The following CA12 variants were observed in gnomAD, a reference collection of about 807,000 sequenced individuals.
The protein encoded by CA12 is carbonate dehydratase XII.
A neutral mutation model predicts 46.8 loss-of-function variants in CA12; 36 were observed. The observed-to-expected ratio is 0.77, with a 90% CI of 0.59 to 1.02. The LOEUF (loss-of-function observed/expected upper bound fraction) is 1.02. CA12 is among the 50% of genes least tolerant of loss of function. The pLI is 0.00. For synonymous variants in CA12, 202 were observed against 187.0 expected, an observed-to-expected ratio of 1.08 and a Z score of -0.65; for missense variants, 436 against 451.4, an observed-to-expected ratio of 0.97 and a Z score of 0.31.
chr15:63,356,874 C>T (rs1435259448), intron 2 of CA12, among the ~76,000 whole-genome samples: 1 of 152,144 alleles, frequency 6.6e-6, no homozygotes, highest in Non-Finnish European at 1.5e-5. Flanking sequence ...CAAAGAGATA[C>T]CTGTACACCT....
intron 8 of CA12, among the ~76,000 whole-genome samples, chr15:63,334,242 CTTTTT>C (rs71131163): frequency 6.2e-4 from 40 of 64,956 alleles, no homozygotes; most frequent in African/African-American, 2.7e-3. Flanking sequence ...GGAAGAGGCA[CTTTTT>C]TTTTTTTTTT....
rs1326288092 is a variant in CA12 at position 63,355,750 on chromosome 15, C to G, written c.107-9041G>C. 6.6e-6 allele frequency among the ~76,000 whole-genome samples: 1 copy of G among 152,218 alleles called. No homozygotes were observed. Among genetic ancestry groups the G allele is most frequent in the Non-Finnish European group, 1.5e-5 (1 of 68,032 alleles). On this transcript the variant is annotated intron_variant, in intron 2 of 10. Coordinates refer to ENST00000178638, the MANE Select transcript of CA12 (RefSeq NM_001218.5). This position sits in a 1 kb window ranked among gnomAD's most constrained non-coding sequence, Gnocchi z 4.1. ...TGAAAACTAGCCAGGCCTGAGCCCC[C>G]CATCAGTGCTCACCACATGTTATCC...
chr15:63,343,986 A>G (rs2039114425), intron 4 of CA12, among the ~76,000 whole-genome samples: 1 of 152,200 alleles, frequency 6.6e-6, no homozygotes, highest in African/African-American at 2.4e-5. Context: ...ACCCTAAAAC[A>G]GTTCTGTTGA....
Position 63,341,925 on chromosome 15 carries a change from T to C in CA12, c.525+77A>G, listed in dbSNP as rs2039083730. ...AGGAACAGCTGATTATCAACAGGTATGCATGGAACAAAAGGTGGAATCCCA... is the reference window on the plus strand; with the variant it reads ...AGGAACAGCTGATTATCAACAGGTACGCATGGAACAAAAGGTGGAATCCCA... On this transcript the variant is annotated intron_variant, in intron 5 of 10. Transcript: ENST00000178638. This position sits in a 1 kb window ranked among gnomAD's most constrained non-coding sequence, Gnocchi z 5.2. 3 of 961,158 alleles carry C rather than the reference T, an allele frequency of 3.1e-6. No individual in the cohort carries two copies. The Admixed American group carries it at 5.5e-5, about 18-fold the overall frequency. The allele number at this position is 961,158 out of a possible 1,614,324, so 59.5% of individuals were successfully genotyped here. A position where few individuals can be genotyped will look rare whatever the true frequency, so the allele number is the denominator to read the frequency against.
At position 63,345,384 on chromosome 15, in the gene CA12, A is replaced by T; in HGVS notation, c.429+93T>A. ...AGAGAGCCTGAAGGCAGCCTGTCCC[A>T]TGCTCTGGTGTTATCTGCACAGCAG... On this transcript the variant is annotated intron_variant, in intron 4 of 10. Transcript: ENST00000178638. This position sits in a 1 kb window ranked among gnomAD's most constrained non-coding sequence, Gnocchi z 4.3. The T allele has an allele frequency of 6.5e-7, 1 of 1,527,590 alleles. No individual in the cohort carries two copies. The highest frequency in any genetic ancestry group is 8.9e-7 in the Non-Finnish European group (1 of 1,123,222). The allele number at this position is 1,527,590 out of a possible 1,614,324, so 94.6% of individuals were successfully genotyped here.
rs944401577 is a variant in CA12 at position 63,339,636 on chromosome 15, G to A, written c.747+652C>T. Among the ~76,000 whole-genome samples, 1 of 152,216 alleles carries A rather than the reference G, an allele frequency of 6.6e-6. No homozygotes were observed. Among genetic ancestry groups the A allele is most frequent in the Non-Finnish European group, 1.5e-5 (1 of 68,036 alleles). On this transcript the variant is annotated intron_variant, in intron 7 of 10. Coordinates refer to ENST00000178638, the MANE Select transcript of CA12 (RefSeq NM_001218.5). The surrounding 1 kb of genome is among the most constrained non-coding windows in gnomAD (Gnocchi z 4.3). Reference sequence around the variant, plus strand: ...ACGCATGAAGCTGGCGTGGGGCTGTGAGCCAGGGTGTAGTGCTGGCCCCAG... The same window carrying A: ...ACGCATGAAGCTGGCGTGGGGCTGTAAGCCAGGGTGTAGTGCTGGCCCCAG...
chr15:63,371,995 G>A (rs2152626772), intron 2 of CA12, among the ~76,000 whole-genome samples: 1 of 152,278 alleles, frequency 6.6e-6, no homozygotes, highest in African/African-American at 2.4e-5. Flanking sequence ...ACCGAAAAGT[G>A]TGTAGACCAT....
In CA12 at chr15:63,341,895, G is replaced by A. The variant is rs577633222; in HGVS notation, c.525+107C>T. ...CCTGCTCTGGAGTTGACACGGAGTC[G>A]ATACAGGAACAGCTGATTATCAACA... is the stretch of plus-strand genomic sequence containing the variant. On this transcript the variant is annotated intron_variant, in intron 5 of 10. Coordinates refer to ENST00000178638, the MANE Select transcript of CA12 (RefSeq NM_001218.5). This position sits in a 1 kb window ranked among gnomAD's most constrained non-coding sequence, Gnocchi z 5.2. 1.5e-3 allele frequency: 1,203 copies of A among 792,480 alleles called. 3 individuals are homozygous for A. The highest frequency in any genetic ancestry group is 4.2e-3 in the Middle Eastern group (19 of 4,478). The allele number at this position is 792,480 out of a possible 1,614,324, so 49.1% of individuals were successfully genotyped here. A position where few individuals can be genotyped will look rare whatever the true frequency, so the allele number is the denominator to read the frequency against.
intron 8 of CA12, among the ~76,000 whole-genome samples, chr15:63,333,418 G>A (rs1420963420): frequency 1.3e-5 from 2 of 152,196 alleles, no homozygotes; most frequent in African/African-American, 2.4e-5. Flanking sequence ...GACTGTGCTC[G>A]GGAAACATGT....
chr15:63,342,125 G>T, intron 4 of CA12, 28 bp from the exon 5 acceptor site: 1 of 1,451,258 alleles, frequency 6.9e-7, no homozygotes, highest in Non-Finnish European at 9.7e-7. Context: ...CCACCCATTA[G>T]GAGATAAGCG....
intron 3 of CA12, 97 bp downstream of exon 3, chr15:63,346,433 T>A (rs2039148983): frequency 1.8e-6 from 1 of 561,836 alleles, no homozygotes; most frequent in Non-Finnish European, 3.2e-6. Context: ...TCCTGGATGC[T>A]TCCACGGAAC....
chr15:63,327,500 G>GT lies in CA12; in HGVS notation c.908-268dup, dbSNP rs74794784. On this transcript the variant is annotated intron_variant, in intron 9 of 10. Transcript: ENST00000178638. The surrounding 1 kb of genome is among the most constrained non-coding windows in gnomAD (Gnocchi z 4.5). ...CTGAAGAGCTTGTTTAAAATGTAGG[G>GT]TTTTTTTTTTTTTTTTAGCCCAACC... Among the ~76,000 whole-genome samples the GT allele has an allele frequency of 0.3, 41,500 of 140,244 alleles. 6,004 individuals carry two copies. The highest frequency in any genetic ancestry group is 0.4 in the Admixed American group (5,643 of 14,130). The allele number at this position is 140,244 out of a possible 152,430, so 92.0% of individuals were successfully genotyped here.
At chr15:63,367,063 C>CG (rs5813206) in intron 2 of CA12, among the ~76,000 whole-genome samples, 146,072 of 152,312 alleles carry the variant, frequency 0.96, 70,075 homozygotes, top group East Asian at 0.99. Flanking sequence ...CTGAGACTAC[C>CG]GCACATGCCA....
At chr15:63,364,189 G>T (rs746129355) in intron 2 of CA12, among the ~76,000 whole-genome samples, 26 of 150,590 alleles carry the variant, frequency 1.7e-4, no homozygotes, top group African/African-American at 5.4e-4. Flanking sequence ...AAAAAAAAGT[G>T]GGGGGGCGGT....
Position 63,345,416 on chromosome 15 carries a change from C to T in CA12, c.429+61G>A, listed in dbSNP as rs1595781317. 7.5e-6 allele frequency: 12 copies of T among 1,593,078 alleles called. No homozygotes were observed. In the Admixed American group the frequency reaches 1.0e-4, roughly 13 times the overall value. ...GGTGTTATCTGCACAGCAGCCAGGT[C>T]GAGAAGGTGCCACACCACCCACTGC... On this transcript the variant is annotated intron_variant, in intron 4 of 10. Coordinates refer to ENST00000178638, the MANE Select transcript of CA12 (RefSeq NM_001218.5). The surrounding 1 kb of genome is among the most constrained non-coding windows in gnomAD (Gnocchi z 4.3).
chr15:63,341,974 A>T lies in CA12; in HGVS notation c.525+28T>A, dbSNP rs2039084315. 4 of 1,509,862 alleles carry T rather than the reference A, an allele frequency of 2.6e-6. No individual in the cohort carries two copies. The highest frequency in any genetic ancestry group is 2.8e-6 in the Non-Finnish European group (3 of 1,085,840). 93.5% of individuals were successfully genotyped at this position (1,509,862 alleles called of 1,614,324 possible). A position where few individuals can be genotyped will look rare whatever the true frequency, so the allele number is the denominator to read the frequency against. ...CAATCTCATCCCTGCTTCAAATTTC[A>T]CCTAAGAACCTTTTAAATATCTCTT... On this transcript the variant is annotated intron_variant, in intron 5 of 10. Coordinates refer to ENST00000178638, the MANE Select transcript of CA12 (RefSeq NM_001218.5). This position sits in a 1 kb window ranked among gnomAD's most constrained non-coding sequence, Gnocchi z 5.2.
At chr15:63,356,046 C>T (rs1227823476) in intron 2 of CA12, among the ~76,000 whole-genome samples, 1 of 152,156 alleles carries the variant, frequency 6.6e-6, no homozygotes, top group African/African-American at 2.4e-5. Flanking sequence ...TCAGTGTTGA[C>T]CATCAGAAAC....
chr15:63,377,358 T>A (rs1489108008), intron 1 of CA12, among the ~76,000 whole-genome samples: 2 of 152,146 alleles, frequency 1.3e-5, no homozygotes, highest in African/African-American at 4.8e-5. Flanking sequence ...ACATCCCCTT[T>A]CTCTCGTGGG....
At chr15:63,336,644 G>A (rs1363244743) in intron 8 of CA12, among the ~76,000 whole-genome samples, 3 of 142,480 alleles carry the variant, frequency 2.1e-5, no homozygotes, top group Non-Finnish European at 3.0e-5. Flanking sequence ...TCCACCTCCC[G>A]GGTTCAAGCG....
Sources: gnomAD v4.1 joint callset for allele counts (sites outside exome capture counted in the v4.1 genomes callset) on GRCh38, gnomAD v4.1.1 for gene constraint, Gnocchi (gnomAD v3.1) non-coding constraint, MANE v1.5 for transcripts, NCBI Gene and HGNC (gene_info 2026-07-23, HGNC 2026-07-21) for gene names.